Variants in SSX2IP observed in about 807,000 individuals in gnomAD.
SSX2IP encodes afadin- and alpha-actinin-binding protein.
A neutral mutation model predicts 84.9 loss-of-function variants in SSX2IP; 55 were observed. The observed-to-expected ratio is 0.65, with a 90% CI of 0.52 to 0.81. The LOEUF (loss-of-function observed/expected upper bound fraction) is 0.81. Among genes scored for constraint, SSX2IP ranks in the 30% least tolerant of loss-of-function variants. The probability of loss-of-function intolerance (pLI) is 0.00; values close to 1 mark genes in which losing one functional copy is unlikely to be tolerated. For missense variants in SSX2IP, 664 were observed against 705.2 expected, an observed-to-expected ratio of 0.94 and a Z score of 0.66; for synonymous variants, 239 against 234.7, an observed-to-expected ratio of 1.02 and a Z score of -0.17.
chr1:84,650,383 C>A lies in SSX2IP; in HGVS notation c.1649G>T (p.Arg550Leu). The change falls in exon 13 of 14, where the codon CGT becomes CTT. Residue 550 changes from arginine to leucine, a missense_variant. Transcript: ENST00000342203. The stretch of plus-strand genomic sequence containing the variant: ...ATACCTATGTTCAGATATGCAGGAA[C>A]GTGTCTGGCAAAAGTCTGAAGTGGA... Reference protein sequence around the residue: ...SPSTSDFCQTRSCISEHSSIN... With the variant: ...SPSTSDFCQTLSCISEHSSIN... 6.2e-7 allele frequency: 1 copy of A among 1,614,154 alleles called. No individual in the cohort carries two copies. Among genetic ancestry groups the A allele is most frequent in the Non-Finnish European group, 8.5e-7 (1 of 1,180,024 alleles).
At chr1:84,666,902 C>A (rs1652845017) in intron 4 of SSX2IP, among the ~76,000 whole-genome samples, 1 of 152,084 alleles carries the variant, frequency 6.6e-6, no homozygotes, top group Non-Finnish European at 1.5e-5. Flanking sequence ...TAAAATTGTA[C>A]TAATATTTTT....
chr1:84,655,814 TACA>T lies in SSX2IP; in HGVS notation c.1389+15_1389+17del. ...CCACCCCCAGTATTTTCAAAAGCACTACAATTGTTTAAAATACCTCCAATCCCA... is the reference window on the plus strand; with the variant it reads ...CCACCCCCAGTATTTTCAAAAGCACTATTGTTTAAAATACCTCCAATCCCA... On this transcript the variant is annotated intron_variant, in intron 11 of 13. Transcript: ENST00000342203. The T allele has an allele frequency of 6.2e-7, 1 of 1,610,654 alleles. No homozygotes were observed. Among genetic ancestry groups the T allele is most frequent in the East Asian group, 2.2e-5 (1 of 44,862 alleles).
At chr1:84,685,493 G>C (rs1250554210) in intron 1 of SSX2IP, among the ~76,000 whole-genome samples, 2 of 152,244 alleles carry the variant, frequency 1.3e-5, no homozygotes, top group African/African-American at 4.8e-5. Flanking sequence ...CCTCACGCTA[G>C]CCCTAGGAAG....
At chr1:84,655,285 GC>G (rs1650911529) in intron 11 of SSX2IP, 2 of 1,047,394 alleles carry the variant, frequency 1.9e-6, no homozygotes, top group East Asian at 1.5e-4. Context: ...TTACTTTGTA[GC>G]TTTTTTTAAT....
At chr1:84,676,415 T>G (rs1654339308) in intron 1 of SSX2IP, among the ~76,000 whole-genome samples, 2 of 152,198 alleles carry the variant, frequency 1.3e-5, no homozygotes, top group Admixed American at 1.3e-4. Flanking sequence ...CTTACTACTT[T>G]TGAAGTAGTA....
At chr1:84,650,299 C>T (rs1366066567) in intron 13 of SSX2IP, 63 bp downstream of exon 13, 2 of 1,533,276 alleles carry the variant, frequency 1.3e-6, no homozygotes, top group Admixed American at 3.3e-5. Context: ...GCCACCTTTC[C>T]CTTAGCAGTG....
At chr1:84,670,574 T>G in intron 3 of SSX2IP, 72 bp downstream of exon 3, 1 of 1,125,288 alleles carries the variant, frequency 8.9e-7, no homozygotes, top group Non-Finnish European at 1.2e-6. Flanking sequence ...TGACAAATGT[T>G]TTTCTCATAA....
chr1:84,655,898 C>T lies in SSX2IP; in HGVS notation c.1323G>A (p.Glu441=). 1 of 1,613,978 alleles carries T rather than the reference C, an allele frequency of 6.2e-7. No homozygotes were observed. The highest frequency in any genetic ancestry group is 1.3e-5 in the African/African-American group (1 of 75,062). ...TCTCCCTCTCAAAATTCTTTTTCTG[C>T]TCTTTAAAAAGGGACCATTCTTCTT... ...RLKEEWSLFK[E]QKKNFERERR... Residue 441 remains glutamate (E), a synonymous_variant, in exon 11 of 14, where the codon GAG becomes GAA. Transcript: ENST00000342203.
chr1:84,686,389 A>C (rs1052706997), intron 1 of SSX2IP, among the ~76,000 whole-genome samples: 3 of 152,220 alleles, frequency 2.0e-5, no homozygotes, highest in African/African-American at 7.2e-5. Context: ...ACTCTCTCAC[A>C]TAAAAACCTG....
chr1:84,665,949 G>C (rs903707617), intron 5 of SSX2IP, among the ~76,000 whole-genome samples, 173 bp downstream of exon 5: 2 of 152,094 alleles, frequency 1.3e-5, no homozygotes, highest in African/African-American at 4.8e-5. Flanking sequence ...TAGTGGAGAG[G>C]GTTCCTGAGC....
chr1:84,679,069 T>C (rs191208853), intron 1 of SSX2IP, among the ~76,000 whole-genome samples: 4 of 152,322 alleles, frequency 2.6e-5, no homozygotes, highest in African/African-American at 9.6e-5. Flanking sequence ...GTTAAGAAGA[T>C]AAAACTAAGT....
intron 11 of SSX2IP, chr1:84,655,376 C>T (rs1163550344): frequency 3.1e-5 from 38 of 1,209,384 alleles, no homozygotes; most frequent in Non-Finnish European, 4.0e-5. Flanking sequence ...GTAGATGACA[C>T]ATTGCTAAGT....
At chr1:84,668,793 G>A (rs1653108539) in intron 4 of SSX2IP, among the ~76,000 whole-genome samples, 1 of 151,926 alleles carries the variant, frequency 6.6e-6, no homozygotes, top group South Asian at 2.1e-4. Context: ...GGGTGGGGGA[G>A]GATGTACACA....
intron 5 of SSX2IP, 47 bp from the exon 6 acceptor site, chr1:84,664,599 T>A (rs1652503507): frequency 2.0e-6 from 3 of 1,468,210 alleles, no homozygotes; most frequent in Non-Finnish European, 2.7e-6. Flanking sequence ...ATTCACAAAT[T>A]TGAAAGAGAA....
chr1:84,654,785 T>C (rs777893298), intron 11 of SSX2IP, among the ~76,000 whole-genome samples: 2 of 152,172 alleles, frequency 1.3e-5, no homozygotes, highest in African/African-American at 4.8e-5. Context: ...TTCCAACTTT[T>C]AAGTCTCAAG....
At chr1:84,669,476 A>C (rs1653227979) in intron 4 of SSX2IP, among the ~76,000 whole-genome samples, 1 of 152,192 alleles carries the variant, frequency 6.6e-6, no homozygotes, top group Non-Finnish European at 1.5e-5. Flanking sequence ...GCAAGTCATT[A>C]AACAGCTCAA....
Position 84,656,015 on chromosome 1 carries a change from T to A in SSX2IP, c.1216-10A>T, listed in dbSNP as rs768582576. 3 of 1,605,714 alleles carry A rather than the reference T, an allele frequency of 1.9e-6. No individual in the cohort carries two copies. The highest frequency in any genetic ancestry group is 2.5e-6 in the Non-Finnish European group (3 of 1,177,182). The stretch of plus-strand genomic sequence containing the variant: ...CAGTAGCGAGCTGCTGCTATTAAAA[T>A]TTAAAACATAGTAAGTTCCTGAGGG... On this transcript the variant is annotated splice_polypyrimidine_tract_variant and intron_variant, in intron 10 of 13. Coordinates refer to ENST00000342203, the MANE Select transcript of SSX2IP (RefSeq NM_001166293.2).
rs1417798259 is a variant in SSX2IP, at chr1:84,644,531, T to C, written c.*2902A>G. The C allele has an allele frequency of 1.3e-5, 2 of 152,188 alleles. No individual in the cohort carries two copies. The highest frequency in any genetic ancestry group is 3.8e-4 in the East Asian group (2 of 5,204). The allele number at this position is 152,188 out of a possible 1,614,324, so 9.4% of individuals were successfully genotyped here. A position where few individuals can be genotyped will look rare whatever the true frequency, so the allele number is the denominator to read the frequency against. On this transcript the variant is annotated 3_prime_UTR_variant, in exon 14 of 14. Coordinates refer to ENST00000342203, the MANE Select transcript of SSX2IP (RefSeq NM_001166293.2). ...TAATCCATACTTACTTTAAATTCAA[T>C]CTAGAAATAACATGACTCATATTAG...
chr1:84,649,393 C>T (rs6659803), intron 13 of SSX2IP, among the ~76,000 whole-genome samples: 26,200 of 152,156 alleles, frequency 0.17, 2,392 homozygotes, highest in Middle Eastern at 0.26. Context: ...TTTTCATCCC[C>T]TCTAACATTT....
Sources: allele counts gnomAD v4.1 joint callset (sites outside exome capture counted in the v4.1 genomes callset), GRCh38; gene constraint gnomAD v4.1.1; transcripts MANE v1.5; gene names NCBI Gene and HGNC (gene_info 2026-07-23, HGNC 2026-07-21).